ANKRD26: variants seen among roughly 807,000 people sequenced by gnomAD.
The protein encoded by ANKRD26 is ankyrin repeat domain-containing protein 26.
In ANKRD26, 141 loss-of-function variants were observed where a neutral mutation model predicts 208.7. That is an observed-to-expected ratio of 0.68 (90% confidence interval 0.59 to 0.78). The LOEUF is 0.78. Ranked by LOEUF, ANKRD26 falls within the 30% of genes least tolerant of loss-of-function variation. ANKRD26 has a pLI of 0.00. For missense variants in ANKRD26, 1,889 were observed against 1,938.7 expected (o/e 0.97, Z 0.48); for synonymous variants, 636 against 660.4 (o/e 0.96, Z 0.57).
intron 20 of ANKRD26, among the ~76,000 whole-genome samples, 178 bp from the exon 21 acceptor site, chr10:27,040,356 TTAAAG>T (rs1382920404): frequency 6.6e-6 from 1 of 152,168 alleles, no homozygotes; most frequent in East Asian, 1.9e-4. Context: ...CTTGCTTAGC[TTAAAG>T]TATAGTGAAG....
chr10:27,018,112 T>C (rs2053361157), intron 29 of ANKRD26, among the ~76,000 whole-genome samples: 1 of 151,716 alleles, frequency 6.6e-6, no homozygotes, highest in African/African-American at 2.4e-5. Flanking sequence ...CAGAAAGTCT[T>C]ACTACTTCCC....
chr10:27,077,661 C>T lies in ANKRD26; in HGVS notation c.846G>A (p.Met282Ile). 1.2e-6 allele frequency: 2 copies of T among 1,613,144 alleles called. No individual in the cohort carries two copies. Among genetic ancestry groups the T allele is most frequent in the East Asian group, 2.2e-5 (1 of 44,824 alleles). Residue 282 changes from methionine to isoleucine, a missense_variant, in exon 8 of 34, where the codon ATG (methionine) becomes ATA (isoleucine). Around this residue, in one of 3 missense-constraint regions of ANKRD26, gnomAD observed 1,272 missense variants for 1,273.8 expected, o/e 1.00. Transcript: ENST00000376087. ...NVPKPSLAKLMTASQQSRKNL... is the reference protein window; with the variant it reads ...NVPKPSLAKLITASQQSRKNL... The stretch of plus-strand genomic sequence containing the variant: ...TTTTCCTGGATTGCTGAGAAGCAGT[C>T]ATTAGCTTTGCTAAGCTTGGTTTTG...
chr10:26,988,774 G>A (rs1045928585), downstream of ANKRD26, among the ~76,000 whole-genome samples: 8 of 151,568 alleles, frequency 5.3e-5, no homozygotes, highest in Non-Finnish European at 1.0e-4. Flanking sequence ...AGCCGGGCAT[G>A]ATGGCTCACA....
In ANKRD26 at chr10:27,067,215, C is replaced by T; in HGVS notation, c.1149G>A (p.Glu383=). The T allele has an allele frequency of 6.2e-7, 1 of 1,613,730 alleles. No homozygotes were observed. Among genetic ancestry groups the T allele is most frequent in the Non-Finnish European group, 8.5e-7 (1 of 1,179,778 alleles). Reference sequence around the variant, plus strand: ...AAGTCAAATTGTCATTATTTGTTTGCTCTAGTGGAGCACTTTCAATAATAT... The same window carrying T: ...AAGTCAAATTGTCATTATTTGTTTGTTCTAGTGGAGCACTTTCAATAATAT... ...GIDIIESAPL[E]QTNNDNLTYV... Residue 383 remains glutamate, a synonymous_variant, in exon 10 of 34, where the codon GAG becomes GAA. Transcript: ENST00000376087.
At chr10:27,045,836 T>C (rs1438209517) in intron 18 of ANKRD26, among the ~76,000 whole-genome samples, 1 of 152,236 alleles carries the variant, frequency 6.6e-6, no homozygotes. Flanking sequence ...CAATACTCCA[T>C]TTTTGAAACA....
intron 28 of ANKRD26, among the ~76,000 whole-genome samples, chr10:27,023,979 T>TACACACACACACACAC (rs59987738): frequency 0.045 from 6,371 of 142,132 alleles, 196 homozygotes; most frequent in Middle Eastern, 0.11. Context: ...ATTTTATTAC[T>TACACACACACACACAC]ACACACACAC....
chr10:26,948,423 C>G, the ANKRD26 span, among the ~76,000 whole-genome samples: 6 of 152,188 alleles, frequency 3.9e-5, no homozygotes, highest in African/African-American at 1.4e-4. Flanking sequence ...TCTCAGACTT[C>G]ATTCGGGAAA....
intron 27 of ANKRD26, 117 bp from the exon 28 acceptor site, chr10:27,024,676 T>G: frequency 1.8e-6 from 1 of 562,700 alleles, no homozygotes; most frequent in Non-Finnish European, 3.2e-6. Flanking sequence ...AAATGCAGTT[T>G]ATAAACCTAA....
At chr10:27,057,042 T>C (rs1411200138) in intron 15 of ANKRD26, among the ~76,000 whole-genome samples, 3 of 152,228 alleles carry the variant, frequency 2.0e-5, no homozygotes, top group South Asian at 2.1e-4. Context: ...ATATTTATCA[T>C]TGATTTTCAA....
intron 32 of ANKRD26, among the ~76,000 whole-genome samples, chr10:27,011,432 T>C (rs1441669096): frequency 3.3e-5 from 5 of 152,186 alleles, no homozygotes; most frequent in Non-Finnish European, 7.4e-5. Flanking sequence ...TGCAACCAGC[T>C]TTTGTAATTT....
chr10:27,013,167 T>A, intron 31 of ANKRD26, 57 bp from the exon 32 acceptor site: 1 of 1,490,878 alleles, frequency 6.7e-7, no homozygotes, highest in Non-Finnish European at 9.3e-7. Context: ...AAATGATTCC[T>A]AAAAGACTTG....
chr10:27,083,884 A>G (rs1564425912), intron 5 of ANKRD26, among the ~76,000 whole-genome samples: 3 of 152,194 alleles, frequency 2.0e-5, no homozygotes, highest in African/African-American at 2.4e-5. Flanking sequence ...CTGCTTTCAC[A>G]TTACAATGGC....
intron 27 of ANKRD26, among the ~76,000 whole-genome samples, chr10:27,025,054 T>C (rs1339667157): frequency 6.6e-6 from 1 of 152,220 alleles, no homozygotes; most frequent in Non-Finnish European, 1.5e-5. Flanking sequence ...CCTGTTCTAT[T>C]AACCATTTCT....
the ANKRD26 span, among the ~76,000 whole-genome samples, chr10:26,952,431 G>A: frequency 2.0e-5 from 3 of 152,010 alleles, no homozygotes; most frequent in Admixed American, 6.6e-5. Context: ...TATGCCCTTT[G>A]CTGTAGGTTT....
chr10:26,965,899 C>T, the ANKRD26 span, among the ~76,000 whole-genome samples: 1 of 152,008 alleles, frequency 6.6e-6, no homozygotes, highest in Non-Finnish European at 1.5e-5. Flanking sequence ...ACATCACTGA[C>T]CATCAGAGAA....
chr10:27,100,191 C>T lies in ANKRD26; in HGVS notation c.136G>A (p.Asp46Asn), dbSNP rs778172653. Reference sequence around the variant, plus strand: ...GCAGCTTTGTGGATCTTGCCGAGATCTCGGTCTCGGACGTGGTAGCCGGGC... The same window carrying T: ...GCAGCTTTGTGGATCTTGCCGAGATTTCGGTCTCGGACGTGGTAGCCGGGC... ...SQPGYHVRDRDLGKIHKAASA... is the reference protein window; with the variant it reads ...SQPGYHVRDRNLGKIHKAASA... Residue 46 changes from aspartate to asparagine, a missense_variant, in exon 1 of 34, where the codon GAT becomes AAT. Coordinates refer to ENST00000376087, the MANE Select transcript of ANKRD26 (RefSeq NM_014915.3). 63 of 1,613,858 alleles carry T rather than the reference C, an allele frequency of 3.9e-5. No individual in the cohort carries two copies. Among genetic ancestry groups the T allele is most frequent in the Non-Finnish European group, 5.3e-5 (62 of 1,179,972 alleles).
chr10:27,051,057 A>T, intron 16 of ANKRD26: 1 of 1,237,784 alleles, frequency 8.1e-7, no homozygotes, highest in Non-Finnish European at 1.0e-6. Flanking sequence ...GCAAACCTCT[A>T]CCTCTTTTTG....
chr10:27,099,563 G>GA (rs1491338853), intron 1 of ANKRD26, among the ~76,000 whole-genome samples: 3 of 31,638 alleles, frequency 9.5e-5, no homozygotes, highest in African/African-American at 1.0e-4. Flanking sequence ...TATTAGAGTT[G>GA]GGGGGGGGGG....
intron 32 of ANKRD26, among the ~76,000 whole-genome samples, chr10:27,010,109 A>C (rs971336216): frequency 6.6e-6 from 1 of 152,174 alleles, no homozygotes; most frequent in Admixed American, 6.5e-5. Context: ...TGTTTTATGT[A>C]ATATAGTTTC....
Sources: allele counts gnomAD v4.1 joint callset (sites outside exome capture counted in the v4.1 genomes callset), GRCh38; gene constraint gnomAD v4.1.1; regional missense constraint gnomAD v4.1.1; transcripts MANE v1.5; gene names NCBI Gene and HGNC (gene_info 2026-07-23, HGNC 2026-07-21).